The following NSRP1 variants were observed in gnomAD, a reference collection of about 807,000 sequenced individuals.
NSRP1 encodes the protein nuclear speckle splicing regulatory protein 1.
In NSRP1, 24 loss-of-function variants were observed where a neutral mutation model predicts 54.7. The ratio of observed to expected loss-of-function variants is 0.44; its 90% CI spans 0.32 to 0.62. The LOEUF is 0.62. Ranked by LOEUF, NSRP1 falls within the 20% of genes least tolerant of loss-of-function variation. NSRP1 has a pLI of 0.06. For missense variants in NSRP1, 596 were observed against 651.2 expected (o/e 0.92, Z 0.92); for synonymous variants, 210 against 213.8 (o/e 0.98, Z 0.15).
In NSRP1 at chr17:30,172,566, A is replaced by C. The variant is rs376887205; in HGVS notation, c.139A>C (p.Arg47=). 5.5e-5 allele frequency: 88 copies of C among 1,610,550 alleles called. No homozygotes were observed. Among genetic ancestry groups the C allele is most frequent in the Non-Finnish European group, 6.9e-5 (81 of 1,177,998 alleles). The stretch of plus-strand genomic sequence containing the variant: ...GACCTCTGTGAGTGAAAGCCTTCAG[A>C]GGGAAGCTGCTAAGAAGCAGGCCAT... The part of the protein sequence containing the change: ...DETSVSESLQ[R]EAAKKQAMKQ... The change falls in exon 3 of 7, where the codon AGG becomes CGG. Residue 47 remains arginine (R), a synonymous_variant. Coordinates refer to ENST00000247026, the MANE Select transcript of NSRP1 (RefSeq NM_032141.4).
intron 2 of NSRP1, among the ~76,000 whole-genome samples, chr17:30,163,686 T>TTTA (rs1305665607): frequency 8.0e-6 from 1 of 124,390 alleles, no homozygotes; most frequent in African/African-American, 5.0e-5. Flanking sequence ...CCACTTTTTT[T>TTTA]TTTTTTTTTT....
At chr17:30,176,808 A>G (rs993097270) in intron 3 of NSRP1, among the ~76,000 whole-genome samples, 9 of 152,144 alleles carry the variant, frequency 5.9e-5, no homozygotes, top group African/African-American at 2.2e-4. Context: ...AAAAAAATGA[A>G]TTTCTTAATA....
At chr17:30,172,411 A>G (rs1904983932) in intron 2 of NSRP1, 131 bp from the exon 3 acceptor site, 1 of 572,514 alleles carries the variant, frequency 1.7e-6, no homozygotes, top group South Asian at 3.0e-5. Flanking sequence ...TGGGGTGCTG[A>G]ACCAGTAAGT....
chr17:30,161,320 C>G (rs1460765930), intron 2 of NSRP1, among the ~76,000 whole-genome samples: 1 of 152,080 alleles, frequency 6.6e-6, no homozygotes, highest in Non-Finnish European at 1.5e-5. Flanking sequence ...AATGTCACTT[C>G]TTTCTTATAC....
chr17:30,170,133 A>G (rs1234253207), intron 2 of NSRP1, among the ~76,000 whole-genome samples: 1 of 152,140 alleles, frequency 6.6e-6, no homozygotes, highest in Non-Finnish European at 1.5e-5. Flanking sequence ...AAAAGATGTA[A>G]TTCACATAGC....
intron 2 of NSRP1, among the ~76,000 whole-genome samples, chr17:30,166,786 C>T (rs1201845278): frequency 1.3e-5 from 2 of 152,024 alleles, no homozygotes; most frequent in African/African-American, 4.8e-5. Flanking sequence ...ATTAGCCACG[C>T]ATGGTGGCGC....
At chr17:30,145,948 C>G (rs2071851262) in intron 2 of NSRP1, among the ~76,000 whole-genome samples, 1 of 152,130 alleles carries the variant, frequency 6.6e-6, no homozygotes, top group South Asian at 2.1e-4. Flanking sequence ...GTACGGGGCT[C>G]AAGCAATTCC....
chr17:30,130,829 C>T (rs181666280), intron 2 of NSRP1, among the ~76,000 whole-genome samples: 23 of 152,186 alleles, frequency 1.5e-4, no homozygotes, highest in African/African-American at 5.1e-4. Flanking sequence ...TTGAAATTTA[C>T]TGTCATCCAT....
intron 2 of NSRP1, among the ~76,000 whole-genome samples, chr17:30,149,195 C>T (rs1328766442): frequency 3.3e-5 from 5 of 151,904 alleles, no homozygotes; most frequent in African/African-American, 1.2e-4. Context: ...TTTTTATTGC[C>T]GTTTCTATTC....
chr17:30,119,605 C>T (rs1188203144), intron 2 of NSRP1, among the ~76,000 whole-genome samples: 4 of 151,158 alleles, frequency 2.6e-5, no homozygotes, highest in African/African-American at 9.7e-5. Flanking sequence ...TGGGTTCAAG[C>T]GTTTCTCCTG....
chr17:30,166,840 C>T (rs910134721), intron 2 of NSRP1, among the ~76,000 whole-genome samples: 6 of 152,060 alleles, frequency 3.9e-5, no homozygotes, highest in African/African-American at 9.7e-5. Flanking sequence ...GCAGGAGAAT[C>T]GCTTGAACCC....
chr17:30,180,840 A>G (rs1905268353), intron 5 of NSRP1, 68 bp from the exon 6 acceptor site: 1 of 981,524 alleles, frequency 1.0e-6, no homozygotes, highest in South Asian at 1.3e-5. Context: ...TATATACTGT[A>G]TGTCTGTAAA....
At chr17:30,124,780 A>G (rs1397044784) in intron 2 of NSRP1, among the ~76,000 whole-genome samples, 3 of 152,248 alleles carry the variant, frequency 2.0e-5, no homozygotes, top group Non-Finnish European at 2.9e-5. Context: ...GCTGCAGCTT[A>G]TTTCTTAGTG....
At chr17:30,121,099 GA>G (rs1249587473) in intron 2 of NSRP1, among the ~76,000 whole-genome samples, 2 of 152,104 alleles carry the variant, frequency 1.3e-5, no homozygotes, top group African/African-American at 4.8e-5. Flanking sequence ...GGGTATATAG[GA>G]AAAAATGTTG....
chr17:30,129,782 GAC>G (rs2071683614), intron 2 of NSRP1, among the ~76,000 whole-genome samples: 1 of 152,132 alleles, frequency 6.6e-6, no homozygotes. Context: ...CAAATAAAAA[GAC>G]AGTTGTACAT....
chr17:30,165,511 C>T (rs1904698259), intron 2 of NSRP1, among the ~76,000 whole-genome samples: 1 of 152,174 alleles, frequency 6.6e-6, no homozygotes, highest in Non-Finnish European at 1.5e-5. Flanking sequence ...CCCCTTCTCA[C>T]CCCAAACCAG....
At chr17:30,134,003 A>G (rs571129592) in intron 2 of NSRP1, among the ~76,000 whole-genome samples, 1 of 152,272 alleles carries the variant, frequency 6.6e-6, no homozygotes, top group South Asian at 2.1e-4. Context: ...CAGCTTAATC[A>G]TTTCCAGCTT....
At chr17:30,139,884 C>T (rs2071787357) in intron 2 of NSRP1, among the ~76,000 whole-genome samples, 1 of 152,074 alleles carries the variant, frequency 6.6e-6, no homozygotes, top group African/African-American at 2.4e-5. Context: ...ATTAGCTGGG[C>T]GTGGTGGCAG....
chr17:30,177,743 TATTCTC>T lies in NSRP1; in HGVS notation c.172-327_172-322del, dbSNP rs577877846. Among the ~76,000 whole-genome samples the T allele has an allele frequency of 9.7e-4, 148 of 152,356 alleles. No individual in the cohort carries two copies. In the Middle Eastern group the frequency reaches 0.024, roughly 25 times the overall value. ...TAATAGTTGATGTTTATTGAATACT[TATTCTC>T]TATCAGGCTCTGTTTTAAGTTTAGT... On this transcript the variant is annotated intron_variant, in intron 3 of 6. Coordinates refer to ENST00000247026, the MANE Select transcript of NSRP1 (RefSeq NM_032141.4).
Sources: gnomAD v4.1 joint callset for allele counts (sites outside exome capture counted in the v4.1 genomes callset) on GRCh38, gnomAD v4.1.1 for gene constraint, MANE v1.5 for transcripts, NCBI Gene and HGNC (gene_info 2026-07-23, HGNC 2026-07-21) for gene names.